Variants in CHST8 observed in about 807,000 individuals in gnomAD.
CHST8 encodes carbohydrate sulfotransferase 8.
In CHST8, 10 loss-of-function variants were observed where a neutral mutation model predicts 15.0. The observed-to-expected ratio is 0.67, with a 90% CI of 0.41 to 1.13. The LOEUF is 1.13. Ranked by LOEUF, CHST8 falls within the 50% of genes most tolerant of loss-of-function variation. CHST8 has a pLI of 0.00. For synonymous variants in CHST8, 259 were observed against 256.6 expected, an observed-to-expected ratio of 1.01 and a Z score of -0.09; for missense variants, 634 against 608.2, an observed-to-expected ratio of 1.04 and a Z score of -0.45.
chr19:33,723,284 A>T (rs1026146154), intron 3 of CHST8, among the ~76,000 whole-genome samples: 1 of 152,228 alleles, frequency 6.6e-6, no homozygotes. Flanking sequence ...CTGTGTGCAC[A>T]TCCATGCAGA....
chr19:33,659,183 A>C (rs549147503), intron 1 of CHST8, among the ~76,000 whole-genome samples: 1 of 147,570 alleles, frequency 6.8e-6, no homozygotes, highest in East Asian at 2.0e-4. Context: ...CTCCTGCCTC[A>C]GCCTCCCGAG....
In CHST8 at chr19:33,667,031, G is replaced by C. The variant is rs553019977; in HGVS notation, c.-163-736G>C. ...CCCAGGGATGCCAAAGCCAGCCTGG[G>C]GGCCAGCCCCTGTGTGATCACAGGC... is the stretch of plus-strand genomic sequence containing the variant. On this transcript the variant is annotated intron_variant, in intron 1 of 4. Transcript: ENST00000650847. Among the ~76,000 whole-genome samples the C allele has an allele frequency of 2.6e-5, 4 of 152,288 alleles. No individual in the cohort carries two copies. In the South Asian group the frequency reaches 8.3e-4, roughly 32 times the overall value.
intron 1 of CHST8, among the ~76,000 whole-genome samples, chr19:33,627,886 C>A (rs1299865412): frequency 6.6e-6 from 1 of 152,162 alleles, no homozygotes; most frequent in African/African-American, 2.4e-5. Flanking sequence ...TAGATGGAGA[C>A]CCTCCTCATT....
chr19:33,753,105 G>C (rs1210508152), intron 3 of CHST8, among the ~76,000 whole-genome samples: 2 of 152,038 alleles, frequency 1.3e-5, no homozygotes, highest in Non-Finnish European at 2.9e-5. Context: ...TGTCACCTGT[G>C]CCACTGCCTG....
chr19:33,644,918 T>G (rs544673004), intron 1 of CHST8, among the ~76,000 whole-genome samples: 2 of 152,148 alleles, frequency 1.3e-5, no homozygotes, highest in South Asian at 4.1e-4. Context: ...ACCATACAGA[T>G]GGTCTAGGCC....
At chr19:33,657,931 C>T (rs1972533726) in intron 1 of CHST8, among the ~76,000 whole-genome samples, 2 of 152,156 alleles carry the variant, frequency 1.3e-5, no homozygotes, top group Non-Finnish European at 2.9e-5. Context: ...CTGTTATCCT[C>T]CAAAACAAGC....
intron 3 of CHST8, among the ~76,000 whole-genome samples, chr19:33,735,583 T>C (rs1974069108): frequency 6.6e-6 from 1 of 152,152 alleles, no homozygotes; most frequent in Admixed American, 6.5e-5. Context: ...TCCCAGCACT[T>C]TGGGAGCCCA....
chr19:33,667,997 G>C (rs1243161494), intron 2 of CHST8, among the ~76,000 whole-genome samples, 154 bp downstream of exon 2: 1 of 152,124 alleles, frequency 6.6e-6, no homozygotes, highest in African/African-American at 2.4e-5. Flanking sequence ...AATATCGGCT[G>C]TTTTTAGAGT....
chr19:33,696,303 T>C (rs2145269425), intron 3 of CHST8, among the ~76,000 whole-genome samples: 1 of 152,186 alleles, frequency 6.6e-6, no homozygotes, highest in African/African-American at 2.4e-5. Context: ...AGTTCTACTT[T>C]TGGTTTTTTA....
At position 33,650,884 on chromosome 19, in the gene CHST8, T is replaced by A. The variant is rs555933992; in HGVS notation, c.-163-16883T>A. 1.1e-4 allele frequency among the ~76,000 whole-genome samples: 17 copies of A among 152,202 alleles called. No individual in the cohort carries two copies. The South Asian group carries it at 3.3e-3, about 30-fold the overall frequency. ...CCACCATGCATGGCTAATTTTTGTA[T>A]TTTTAGTAGAGATGGGGGTTTCACC... On this transcript the variant is annotated intron_variant, in intron 1 of 4. Transcript: ENST00000650847.
At chr19:33,723,768 G>A (rs1047439234) in intron 3 of CHST8, among the ~76,000 whole-genome samples, 31 of 152,298 alleles carry the variant, frequency 2.0e-4, no homozygotes, top group East Asian at 5.8e-4. Context: ...TTCTCCTCTC[G>A]TGGGCTTCAG....
chr19:33,634,288 C>T (rs1318299385), intron 1 of CHST8, among the ~76,000 whole-genome samples: 7 of 152,158 alleles, frequency 4.6e-5, no homozygotes, highest in Admixed American at 1.3e-4. Context: ...GGTATCACAC[C>T]GTGGTTTTAA....
At chr19:33,700,675 C>T (rs376050202) in intron 3 of CHST8, among the ~76,000 whole-genome samples, 3 of 152,162 alleles carry the variant, frequency 2.0e-5, no homozygotes, top group Admixed American at 2.0e-4. Context: ...AGAATGTCTT[C>T]GTGGGGGTTC....
At chr19:33,714,528 A>T (rs1486743515) in intron 3 of CHST8, among the ~76,000 whole-genome samples, 1 of 151,908 alleles carries the variant, frequency 6.6e-6, no homozygotes, top group African/African-American at 2.4e-5. Context: ...GGGAGGAAAA[A>T]ACCTATTGGG....
At position 33,772,231 on chromosome 19, in the gene CHST8, G is replaced by A; in HGVS notation, c.443G>A (p.Ser148Asn). 1 of 1,597,334 alleles carries A rather than the reference G, an allele frequency of 6.3e-7. No individual in the cohort carries two copies. The change falls in exon 5 of 5, where the codon AGC becomes AAC. Residue 148 changes from serine to asparagine, a missense_variant. Physicochemically the swap from Ser to Asn is conservative, Grantham distance 46. Transcript: ENST00000650847. ...GGGACGCTGGATGGCCGCTGGGTCA[G>A]CCTGCACCGGAGCCAGCAGGAGCGC... Reference protein sequence around the residue: ...GPGTLDGRWVSLHRSQQERKR... With the variant: ...GPGTLDGRWVNLHRSQQERKR...
At chr19:33,770,740 C>G (rs1419427975) in intron 3 of CHST8, among the ~76,000 whole-genome samples, 1 of 152,180 alleles carries the variant, frequency 6.6e-6, no homozygotes, top group Non-Finnish European at 1.5e-5. Flanking sequence ...GACAATTACC[C>G]TCTACCTGGG....
At chr19:33,683,370 C>T (rs1305434256) in intron 2 of CHST8, among the ~76,000 whole-genome samples, 1 of 152,190 alleles carries the variant, frequency 6.6e-6, no homozygotes, top group Non-Finnish European at 1.5e-5. Flanking sequence ...TGTCTTCAAG[C>T]TCTGTGATCT....
intron 3 of CHST8, among the ~76,000 whole-genome samples, chr19:33,736,436 A>C (rs1355105325): frequency 6.6e-6 from 1 of 152,134 alleles, no homozygotes; most frequent in Non-Finnish European, 1.5e-5. Context: ...TCAGCCTAGC[A>C]CTGCCTTCCC....
chr19:33,712,933 ATC>A (rs1973587561), intron 3 of CHST8, among the ~76,000 whole-genome samples: 1 of 152,122 alleles, frequency 6.6e-6, no homozygotes, highest in South Asian at 2.1e-4. Flanking sequence ...TGCTGTCAAA[ATC>A]CATAGCCCTG....
Sources: allele counts gnomAD v4.1 joint callset (sites outside exome capture counted in the v4.1 genomes callset), GRCh38; gene constraint gnomAD v4.1.1; transcripts MANE v1.5; gene names NCBI Gene and HGNC (gene_info 2026-07-23, HGNC 2026-07-21).